REEP5: variants seen among roughly 807,000 people sequenced by gnomAD.
The protein encoded by REEP5 is receptor expression-enhancing protein 5.
REEP5 carries 24 observed loss-of-function variants against 22.4 expected under a neutral mutation model. The observed-to-expected ratio is 1.07, with a 90% CI of 0.78 to 1.51. REEP5 has a LOEUF of 1.51. Among genes scored for constraint, REEP5 ranks in the 40% most tolerant of loss-of-function variants. The pLI is 0.00. For synonymous variants in REEP5, 103 were observed against 88.6 expected, an observed-to-expected ratio of 1.16 and a Z score of -0.92; for missense variants, 252 against 233.0, an observed-to-expected ratio of 1.08 and a Z score of -0.53.
chr5:112,920,268 A>G (rs994337078), intron 2 of REEP5, among the ~76,000 whole-genome samples: 1 of 152,230 alleles, frequency 6.6e-6, no homozygotes, highest in African/African-American at 2.4e-5. Flanking sequence ...TGACAGATAC[A>G]AGCTGTAATA....
intron 3 of REEP5, chr5:112,896,746 A>C (rs1462614519): frequency 6.6e-6 from 1 of 152,042 alleles, no homozygotes; most frequent in Non-Finnish European, 1.5e-5. Flanking sequence ...CAGCCTGGCC[A>C]ACATGGTGAA....
chr5:112,892,992 G>A lies in REEP5; in HGVS notation c.352-5809C>T, dbSNP rs746199268. 3 of 1,580,068 alleles carry A rather than the reference G, an allele frequency of 1.9e-6. 1 individual carries two copies. Among genetic ancestry groups the A allele is most frequent in the Middle Eastern group, 3.4e-4 (2 of 5,890 alleles). ...AGAGCCGCAGGAGCCACCGCAGCCG[G>A]AGCCAAAGTTCCTCTAGGTGCCGAA... is the stretch of plus-strand genomic sequence containing the variant. On this transcript the variant is annotated intron_variant, in intron 3 of 4. Transcript: ENST00000379638.
chr5:112,894,124 GTT>G (rs199564515), intron 3 of REEP5: 5 of 141,814 alleles, frequency 3.5e-5, no homozygotes, highest in South Asian at 2.3e-4. Flanking sequence ...GGTTTTTTTT[GTT>G]TTTTTTTTTT....
At chr5:112,921,448 AC>A in intron 1 of REEP5, 192 bp from the exon 2 acceptor site, 1 of 617,364 alleles carries the variant, frequency 1.6e-6, no homozygotes. Flanking sequence ...GTCTGGGGAT[AC>A]CAGGCAGCCC....
In REEP5 at chr5:112,878,748, A is replaced by G. The variant is rs1767972522; in HGVS notation, c.*38T>C. 9 of 1,612,204 alleles carry G rather than the reference A, an allele frequency of 5.6e-6. No individual in the cohort carries two copies. Among genetic ancestry groups the G allele is most frequent in the Non-Finnish European group, 6.8e-6 (8 of 1,179,482 alleles). ...AATATAACATCAAGCTCCAGTAGGAAGGTACAGAGAGGGCAGGAAGTTTCC... is the reference window on the plus strand; with the variant it reads ...AATATAACATCAAGCTCCAGTAGGAGGGTACAGAGAGGGCAGGAAGTTTCC... On this transcript the variant is annotated 3_prime_UTR_variant, in exon 5 of 5. Transcript: ENST00000379638.
In REEP5 at chr5:112,910,710, G is replaced by A. The variant is rs116233309; in HGVS notation, c.213-8192C>T. Among the ~76,000 whole-genome samples, 355 of 152,328 alleles carry A rather than the reference G, an allele frequency of 2.3e-3. 2 individuals carry two copies. Among genetic ancestry groups the A allele is most frequent in the African/African-American group, 8.2e-3 (342 of 41,568 alleles). ...TGAATGATGGTCACCAGCATGATCA[G>A]ATTGTCATGGTAACACTGCTGCTTC... On this transcript the variant is annotated intron_variant, in intron 2 of 4. Transcript: ENST00000379638.
intron 2 of REEP5, 110 bp downstream of exon 2, chr5:112,921,053 G>T: frequency 9.4e-7 from 1 of 1,066,698 alleles, no homozygotes; most frequent in Non-Finnish European, 1.4e-6. Context: ...ATCCCTCCCC[G>T]CCGAGCTTTC....
intron 3 of REEP5, among the ~76,000 whole-genome samples, chr5:112,900,241 T>C (rs1561654937): frequency 6.6e-6 from 1 of 152,322 alleles, no homozygotes; most frequent in East Asian, 1.9e-4. Context: ...TATTCCTTAT[T>C]TGGTGTAAAT....
chr5:112,900,710 C>T (rs936925846), intron 3 of REEP5, among the ~76,000 whole-genome samples: 1 of 152,126 alleles, frequency 6.6e-6, no homozygotes. Context: ...TCATCCACCC[C>T]CTACCCAGAA....
chr5:112,892,894 A>T (rs1424413780), intron 3 of REEP5: 1 of 1,611,266 alleles, frequency 6.2e-7, no homozygotes, highest in Admixed American at 1.7e-5. Flanking sequence ...CACATCAAAG[A>T]GTCGGGAGAG....
At chr5:112,887,302 C>G in intron 3 of REEP5, 119 bp from the exon 4 acceptor site, 2 of 949,600 alleles carry the variant, frequency 2.1e-6, no homozygotes, top group Admixed American at 3.3e-5. Context: ...TCCCCAAAGG[C>G]ATTACCAGTG....
intron 1 of REEP5, 139 bp downstream of exon 1, chr5:112,921,934 C>G: frequency 8.9e-7 from 1 of 1,123,700 alleles, no homozygotes; most frequent in Non-Finnish European, 1.2e-6. Context: ...GGAGGCCAGC[C>G]TGATCCCTGA....
intron 2 of REEP5, among the ~76,000 whole-genome samples, chr5:112,915,043 A>T (rs1489389608): frequency 6.6e-6 from 1 of 152,254 alleles, no homozygotes; most frequent in African/African-American, 2.4e-5. Context: ...TTAACATGTT[A>T]TATTTGTATT....
chr5:112,897,146 GAC>G (rs1331422972), intron 3 of REEP5: 4 of 151,970 alleles, frequency 2.6e-5, no homozygotes, highest in African/African-American at 4.8e-5. Context: ...AAAAAAGCAA[GAC>G]ACAGAATTAT....
chr5:112,908,086 C>G (rs1768994644), intron 2 of REEP5, among the ~76,000 whole-genome samples: 1 of 76,766 alleles, frequency 1.3e-5, no homozygotes, highest in Admixed American at 1.1e-4. Context: ...GCATCAGAGA[C>G]TTTCTTTGTT....
At chr5:112,917,678 G>T (rs1039603691) in intron 2 of REEP5, among the ~76,000 whole-genome samples, 3 of 152,136 alleles carry the variant, frequency 2.0e-5, no homozygotes, top group African/African-American at 4.8e-5. Flanking sequence ...ACATATGAGG[G>T]TGCAGCACAG....
intron 4 of REEP5, among the ~76,000 whole-genome samples, chr5:112,879,336 G>A (rs1466733339): frequency 6.9e-5 from 4 of 57,646 alleles, no homozygotes; most frequent in African/African-American, 2.8e-4. Context: ...GGGGGGGGGG[G>A]CTGGGGGGGC....
At chr5:112,920,694 TAAAAG>T (rs1769335463) in intron 2 of REEP5, among the ~76,000 whole-genome samples, 1 of 152,094 alleles carries the variant, frequency 6.6e-6, no homozygotes, top group Non-Finnish European at 1.5e-5. Flanking sequence ...TTTTTCAAAA[TAAAAG>T]AAAATGAGAA....
intron 3 of REEP5, among the ~76,000 whole-genome samples, chr5:112,899,465 C>T (rs749309023): frequency 6.6e-6 from 1 of 152,090 alleles, no homozygotes; most frequent in Non-Finnish European, 1.5e-5. Flanking sequence ...TTCATAATTA[C>T]TAAATTATGC....
Sources: allele counts gnomAD v4.1 joint callset (sites outside exome capture counted in the v4.1 genomes callset), GRCh38; gene constraint gnomAD v4.1.1; transcripts MANE v1.5; gene names NCBI Gene and HGNC (gene_info 2026-07-23, HGNC 2026-07-21).